Variants in PPP3CC observed in about 807,000 individuals in gnomAD.
PPP3CC encodes serine/threonine-protein phosphatase 2B catalytic subunit gamma isoform.
Under a neutral mutation model 60.3 loss-of-function variants are expected in PPP3CC, and 35 were observed. That is an observed-to-expected ratio of 0.58 (90% CI 0.44 to 0.77). PPP3CC has a LOEUF of 0.77. Among genes scored for constraint, PPP3CC ranks in the 30% least tolerant of loss-of-function variants. The probability of loss-of-function intolerance (pLI) is 0.00; values close to 1 mark genes in which losing one functional copy is unlikely to be tolerated. For synonymous variants in PPP3CC, 206 were observed against 224.3 expected, an observed-to-expected ratio of 0.92 and a Z score of 0.73; for missense variants, 570 against 628.9, an observed-to-expected ratio of 0.91 and a Z score of 1.00.
At chr8:22,458,628 T>A (rs996515612) in intron 1 of PPP3CC, among the ~76,000 whole-genome samples, 7 of 151,166 alleles carry the variant, frequency 4.6e-5, no homozygotes, top group Admixed American at 2.6e-4. Context: ...TAAAAATAAA[T>A]AAATAAAATA....
At chr8:22,514,475 TA>T (rs972060477) in intron 6 of PPP3CC, among the ~76,000 whole-genome samples, 13 of 151,954 alleles carry the variant, frequency 8.6e-5, no homozygotes, top group Non-Finnish European at 1.2e-4. Context: ...TTTTTTTCTT[TA>T]AAAAAATATT....
Position 22,475,644 on chromosome 8 carries a change from T to A in PPP3CC, c.372+20T>A. Reference sequence around the variant, plus strand: ...ATAGAGGTAAAAATTAAACTGGATATGTTGGGACTATTATATTGTCTTTCA... The same window carrying A: ...ATAGAGGTAAAAATTAAACTGGATAAGTTGGGACTATTATATTGTCTTTCA... On this transcript the variant is annotated intron_variant, in intron 3 of 13. Transcript: ENST00000240139. The A allele has an allele frequency of 1.2e-6, 2 of 1,600,020 alleles. No individual in the cohort carries two copies. Among genetic ancestry groups the A allele is most frequent in the South Asian group, 2.3e-5 (2 of 88,606 alleles).
At chr8:22,532,581 G>A (rs1353021271) in intron 11 of PPP3CC, among the ~76,000 whole-genome samples, 1 of 152,128 alleles carries the variant, frequency 6.6e-6, no homozygotes, top group Non-Finnish European at 1.5e-5. Flanking sequence ...TCTTACCTGT[G>A]TGATCTTGGG....
chr8:22,443,639 G>A (rs188862459), intron 1 of PPP3CC, among the ~76,000 whole-genome samples: 17 of 151,588 alleles, frequency 1.1e-4, no homozygotes, highest in African/African-American at 3.9e-4. Flanking sequence ...ATTAATTACC[G>A]AATATTGTGT....
intron 1 of PPP3CC, among the ~76,000 whole-genome samples, chr8:22,456,120 G>T (rs1440619804): frequency 6.6e-6 from 1 of 152,176 alleles, no homozygotes; most frequent in Non-Finnish European, 1.5e-5. Context: ...AACAGACATA[G>T]CTATTTAGGC....
chr8:22,529,875 G>A (rs931745942), intron 10 of PPP3CC, among the ~76,000 whole-genome samples: 90 of 151,930 alleles, frequency 5.9e-4, no homozygotes, highest in African/African-American at 2.1e-3. Flanking sequence ...TTTTTTCCTA[G>A]TGTGCTGTGG....
At chr8:22,442,892 A>G (rs1183703992) in intron 1 of PPP3CC, among the ~76,000 whole-genome samples, 1 of 152,198 alleles carries the variant, frequency 6.6e-6, no homozygotes, top group Non-Finnish European at 1.5e-5. Flanking sequence ...TGACTTCGCA[A>G]TGCTATACCA....
rs182641471 is a variant in PPP3CC, at chr8:22,457,388, C to T, written c.49+15930C>T. Among the ~76,000 whole-genome samples, 70 of 151,094 alleles carry T rather than the reference C, an allele frequency of 4.6e-4. No individual in the cohort carries two copies. The East Asian group carries it at 6.9e-3, about 15-fold the overall frequency. On this transcript the variant is annotated intron_variant, in intron 1 of 13. Coordinates refer to ENST00000240139, the MANE Select transcript of PPP3CC (RefSeq NM_005605.5). ...CTGGATCTCGGCTCACTGCAACCTC[C>T]GCCTCCTAGGTTCAAGTGATTCTCC...
rs1419654798 is a variant in PPP3CC at position 22,541,078 on chromosome 8, G to A, written c.*276G>A. The A allele has an allele frequency of 4.7e-6, 1 of 213,836 alleles. No individual in the cohort carries two copies. Among genetic ancestry groups the A allele is most frequent in the Admixed American group, 5.8e-5 (1 of 17,320 alleles). The allele number at this position is 213,836 out of a possible 1,614,324, so 13.2% of individuals were successfully genotyped here. ...TGTCAACACATTTGTGAAGTCTTGT[G>A]CTATAAAGGGGAACTTCCCCTAATA... is the stretch of plus-strand genomic sequence containing the variant. On this transcript the variant is annotated 3_prime_UTR_variant, in exon 14 of 14. Transcript: ENST00000240139.
At chr8:22,496,359 T>C (rs1243410468) in intron 3 of PPP3CC, among the ~76,000 whole-genome samples, 1 of 152,000 alleles carries the variant, frequency 6.6e-6, no homozygotes, top group Non-Finnish European at 1.5e-5. Flanking sequence ...TTCCTGGTTA[T>C]TCTTTCTTGC....
rs1839737163 is a variant in PPP3CC, at chr8:22,532,292, C to A, written c.1209C>A (p.Val403=). The A allele has an allele frequency of 6.2e-6, 10 of 1,611,454 alleles. No individual in the cohort carries two copies. Among genetic ancestry groups the A allele is most frequent in the Non-Finnish European group, 7.6e-6 (9 of 1,177,646 alleles). Residue 403 remains valine (V), a synonymous_variant, in exon 11 of 14, where the codon GTC becomes GTA. Transcript: ENST00000240139. ...KIRAIGKMAR[V]FSILRQESES... is the part of the protein sequence containing the mutation. ...GAGCCATTGGGAAGATGGCACGGGT[C>A]TTTTCAATTCTTCGGTAAGGATGTC... is the stretch of plus-strand genomic sequence containing the variant.
At chr8:22,501,403 T>G (rs1838757623) in intron 4 of PPP3CC, among the ~76,000 whole-genome samples, 1 of 152,210 alleles carries the variant, frequency 6.6e-6, no homozygotes, top group Non-Finnish European at 1.5e-5. Context: ...GTGGCTAGAT[T>G]CTCTGTATAG....
chr8:22,477,809 T>C (rs1311108959), intron 3 of PPP3CC, among the ~76,000 whole-genome samples: 3 of 151,774 alleles, frequency 2.0e-5, no homozygotes, highest in Non-Finnish European at 2.9e-5. Flanking sequence ...TGGCTAGTCA[T>C]TGTATTTAAT....
intron 1 of PPP3CC, among the ~76,000 whole-genome samples, chr8:22,455,022 C>T (rs1284517954): frequency 7.1e-6 from 1 of 140,068 alleles, no homozygotes; most frequent in Non-Finnish European, 1.5e-5. Flanking sequence ...CGCCACTGCA[C>T]TCCAGCCTGG....
intron 1 of PPP3CC, among the ~76,000 whole-genome samples, chr8:22,469,198 G>T (rs1480983936): frequency 6.6e-6 from 1 of 152,128 alleles, no homozygotes; most frequent in Non-Finnish European, 1.5e-5. Context: ...AACATGGATG[G>T]AACTGAAGGT....
chr8:22,453,778 A>C (rs1304752639), intron 1 of PPP3CC, among the ~76,000 whole-genome samples: 1 of 152,222 alleles, frequency 6.6e-6, no homozygotes, highest in Non-Finnish European at 1.5e-5. Flanking sequence ...TACTGTAGGC[A>C]ACTGTAACAC....
chr8:22,496,222 T>C (rs532051486), intron 3 of PPP3CC, among the ~76,000 whole-genome samples: 1 of 152,200 alleles, frequency 6.6e-6, no homozygotes, highest in Non-Finnish European at 1.5e-5. Flanking sequence ...ATATCTGTAG[T>C]ATAAAATTCC....
intron 1 of PPP3CC, among the ~76,000 whole-genome samples, chr8:22,469,530 C>T (rs1424777589): frequency 6.6e-6 from 1 of 151,868 alleles, no homozygotes; most frequent in Non-Finnish European, 1.5e-5. Flanking sequence ...CATAATTCCT[C>T]ATGTAATCTG....
chr8:22,502,295 C>T (rs903869328), intron 4 of PPP3CC, among the ~76,000 whole-genome samples: 2 of 152,050 alleles, frequency 1.3e-5, no homozygotes, highest in Admixed American at 1.3e-4. Flanking sequence ...ATTGTAACAA[C>T]AACAACAACA....
Sources: gnomAD v4.1 joint callset for allele counts (sites outside exome capture counted in the v4.1 genomes callset) on GRCh38, gnomAD v4.1.1 for gene constraint, MANE v1.5 for transcripts, NCBI Gene and HGNC (gene_info 2026-07-23, HGNC 2026-07-21) for gene names.